Variants in GRIK1 observed in about 807,000 individuals in gnomAD.
GRIK1 encodes glutamate receptor ionotropic, kainate 1.
In GRIK1, 69 loss-of-function variants were observed where a neutral mutation model predicts 105.7. The ratio of observed to expected loss-of-function variants is 0.65; its 90% CI spans 0.54 to 0.80. GRIK1 has a LOEUF of 0.80. Ranked by LOEUF, GRIK1 falls within the 30% of genes least tolerant of loss-of-function variation. The pLI, the probability that GRIK1 is intolerant of heterozygous loss-of-function variation, is 0.00. For synonymous variants in GRIK1, 438 were observed against 431.3 expected, an observed-to-expected ratio of 1.02 and a Z score of -0.19; for missense variants, 1,109 against 1,167.3, an observed-to-expected ratio of 0.95 and a Z score of 0.73.
chr21:29,573,191 T>C (rs536479612), intron 14 of GRIK1, among the ~76,000 whole-genome samples: 1 of 152,308 alleles, frequency 6.6e-6, no homozygotes, highest in South Asian at 2.1e-4. Flanking sequence ...CTCTCTGAGG[T>C]GCTTATTGTT....
chr21:29,544,334 G>T (rs1015672418), intron 16 of GRIK1, among the ~76,000 whole-genome samples: 6 of 152,112 alleles, frequency 3.9e-5, no homozygotes, highest in African/African-American at 1.4e-4. Context: ...TTGCACATGG[G>T]GTGGCCACGC....
chr21:29,817,997 TG>T (rs1213331269), intron 1 of GRIK1, among the ~76,000 whole-genome samples: 3 of 152,156 alleles, frequency 2.0e-5, no homozygotes, highest in African/African-American at 7.2e-5. Flanking sequence ...TAAAAATTGT[TG>T]AATAATTTGC....
At chr21:29,938,659 G>A (rs890373870) in intron 1 of GRIK1, among the ~76,000 whole-genome samples, 1 of 152,128 alleles carries the variant, frequency 6.6e-6, no homozygotes, top group Non-Finnish European at 1.5e-5. Flanking sequence ...GAAGCTACCT[G>A]GACTGGGAAC....
rs1253897341 is a variant in GRIK1 at position 29,537,252 on chromosome 21, T to A, written c.2828A>T (p.Gln943Leu). ...SILTCHQRRT[Q>L]RKETVA Reference sequence around the variant, plus strand: ...GGATCACGCCACAGTCTCTTTTCTCTGAGTTCGTCTCTGATGACAAGTAAG... The same window carrying A: ...GGATCACGCCACAGTCTCTTTTCTCAGAGTTCGTCTCTGATGACAAGTAAG... Residue 943 changes from glutamine (Q) to leucine (L), a missense_variant, in exon 18 of 18, where the codon CAG becomes CTG. Around this residue, in one of 5 missense-constraint regions of GRIK1, gnomAD observed 161 missense variants for 143.4 expected, o/e 1.12. Coordinates refer to ENST00000327783, the MANE Select transcript of GRIK1 (RefSeq NM_001330994.2). 2 of 1,607,704 alleles carry A rather than the reference T, an allele frequency of 1.2e-6. No homozygotes were observed. The highest frequency in any genetic ancestry group is 2.7e-5 in the African/African-American group (2 of 74,208).
chr21:29,751,647 C>G (rs2065204578), intron 1 of GRIK1, among the ~76,000 whole-genome samples: 1 of 152,174 alleles, frequency 6.6e-6, no homozygotes, highest in Admixed American at 6.5e-5. Context: ...CACACAGCAG[C>G]TTTGCTAATG....
At chr21:29,579,234 T>C (rs2090962582) in intron 13 of GRIK1, among the ~76,000 whole-genome samples, 1 of 152,210 alleles carries the variant, frequency 6.6e-6, no homozygotes, top group African/African-American at 2.4e-5. Context: ...CAATTAGACT[T>C]CTCAATGTTT....
At chr21:29,781,041 C>T (rs185936879) in intron 1 of GRIK1, among the ~76,000 whole-genome samples, 30 of 152,186 alleles carry the variant, frequency 2.0e-4, no homozygotes, top group African/African-American at 7.2e-4. Context: ...AAAAGTAAAA[C>T]CCATCTAAAA....
Position 29,719,505 on chromosome 21 carries a change from G to T in GRIK1, c.119-25442C>A, listed in dbSNP as rs187772693. On this transcript the variant is annotated intron_variant, in intron 1 of 17. Transcript: ENST00000327783. ...AAAAATATAACTCTGTAAAATTAGG[G>T]CTAAATTCCTTGAGAAGAATTTAAA... Among the ~76,000 whole-genome samples, 5 of 152,070 alleles carry T rather than the reference G, an allele frequency of 3.3e-5. No homozygotes were observed. In the East Asian group the frequency reaches 7.7e-4, roughly 24 times the overall value.
At chr21:29,765,381 T>A (rs909985749) in intron 1 of GRIK1, among the ~76,000 whole-genome samples, 2 of 152,182 alleles carry the variant, frequency 1.3e-5, no homozygotes, top group African/African-American at 2.4e-5. Flanking sequence ...TTCCTTCTAA[T>A]CTTTTTTATT....
chr21:29,803,745 G>C (rs2066777869), intron 1 of GRIK1, among the ~76,000 whole-genome samples: 2 of 151,014 alleles, frequency 1.3e-5, no homozygotes, highest in South Asian at 4.2e-4. Flanking sequence ...AAAAAAATAT[G>C]TTTTTTTTTC....
rs2063364722 is a variant in GRIK1, at chr21:29,681,059, G to C, written c.545-7895C>G. ...GAAGCAGAATAATTGCTTGAACACA[G>C]GTGGTGGAGGTTGCAGTGAGCCGAG... On this transcript the variant is annotated intron_variant, in intron 3 of 17. Transcript: ENST00000327783. 2.0e-5 allele frequency among the ~76,000 whole-genome samples: 3 copies of C among 152,314 alleles called. No homozygotes were observed. The South Asian group carries it at 6.2e-4, about 32-fold the overall frequency.
chr21:29,585,420 C>T (rs1019452891), intron 12 of GRIK1, among the ~76,000 whole-genome samples: 1 of 152,134 alleles, frequency 6.6e-6, no homozygotes, highest in Non-Finnish European at 1.5e-5. Context: ...AGCCTGTGTG[C>T]TTGTGAGAAC....
intron 1 of GRIK1, among the ~76,000 whole-genome samples, chr21:29,876,431 A>G (rs1325790424): frequency 6.6e-6 from 1 of 152,130 alleles, no homozygotes; most frequent in Non-Finnish European, 1.5e-5. Context: ...TGAATGCTGT[A>G]ATTATCTTGA....
chr21:29,541,070 C>T (rs182789386), intron 16 of GRIK1, among the ~76,000 whole-genome samples: 45 of 151,344 alleles, frequency 3.0e-4, no homozygotes, highest in African/African-American at 8.7e-4. Context: ...TGTGTTCAAG[C>T]GATTCTCCTG....
At chr21:29,639,802 C>T (rs2062473122) in intron 7 of GRIK1, among the ~76,000 whole-genome samples, 3 of 152,112 alleles carry the variant, frequency 2.0e-5, no homozygotes, top group Non-Finnish European at 2.9e-5. Flanking sequence ...TCCAGTAATG[C>T]TTGTTGAGTG....
intron 1 of GRIK1, among the ~76,000 whole-genome samples, chr21:29,849,041 C>G (rs1487300243): frequency 2.6e-5 from 4 of 151,924 alleles, no homozygotes; most frequent in Non-Finnish European, 5.9e-5. Flanking sequence ...TACAAACACA[C>G]ATAGTATAGT....
rs190715527 is a variant in GRIK1, at chr21:29,549,527, T to G, written c.2607+5525A>C. Among the ~76,000 whole-genome samples the G allele has an allele frequency of 1.1e-4, 17 of 152,340 alleles. 1 individual carries two copies. The East Asian group carries it at 2.9e-3, about 26-fold the overall frequency. Reference sequence around the variant, plus strand: ...TTAGTCATTCACTTTCAGGCTTCATTGTAAATGCAGATTCCTGGACTCTTC... The same window carrying G: ...TTAGTCATTCACTTTCAGGCTTCATGGTAAATGCAGATTCCTGGACTCTTC... On this transcript the variant is annotated intron_variant, in intron 16 of 17. Coordinates refer to ENST00000327783, the MANE Select transcript of GRIK1 (RefSeq NM_001330994.2).
chr21:29,692,013 G>A (rs898379031), intron 2 of GRIK1, among the ~76,000 whole-genome samples: 1 of 152,176 alleles, frequency 6.6e-6, no homozygotes, highest in Non-Finnish European at 1.5e-5. Context: ...AGGAGAGTAT[G>A]GGAGTGTGTG....
chr21:29,545,619 T>C (rs945593729), intron 16 of GRIK1, among the ~76,000 whole-genome samples: 3 of 152,212 alleles, frequency 2.0e-5, no homozygotes, highest in African/African-American at 7.2e-5. Flanking sequence ...GGGTGTTAGT[T>C]GTCCACAGTG....
Sources: gnomAD v4.1 joint callset for allele counts (sites outside exome capture counted in the v4.1 genomes callset) on GRCh38, gnomAD v4.1.1 for gene constraint, gnomAD v4.1.1 regional missense constraint, MANE v1.5 for transcripts, NCBI Gene and HGNC (gene_info 2026-07-23, HGNC 2026-07-21) for gene names.